Variants in TMEM132B observed in about 807,000 individuals in gnomAD.
TMEM132B encodes transmembrane protein 132B.
A neutral mutation model predicts 90.8 loss-of-function variants in TMEM132B; 18 were observed. The ratio of observed to expected loss-of-function variants is 0.20; its 90% confidence interval spans 0.14 to 0.29. TMEM132B has a LOEUF of 0.29. Among genes scored for constraint, TMEM132B ranks in the 10% least tolerant of loss-of-function variants. The pLI is 1.00. For synonymous variants in TMEM132B, 504 were observed against 523.3 expected (o/e 0.96, Z 0.50); for missense variants, 1,096 against 1,326.8 (o/e 0.83, Z 2.70).
intron 1 of TMEM132B, among the ~76,000 whole-genome samples, chr12:125,225,778 A>G (rs1873666734): frequency 6.6e-6 from 1 of 152,140 alleles, no homozygotes; most frequent in African/African-American, 2.4e-5. Flanking sequence ...ATTCCCATAT[A>G]TGCGCCAGGT....
chr12:125,546,986 A>T (rs925191113), intron 4 of TMEM132B, among the ~76,000 whole-genome samples: 1 of 152,222 alleles, frequency 6.6e-6, no homozygotes, highest in Non-Finnish European at 1.5e-5. Flanking sequence ...ATGAGTGCCC[A>T]ATAAAGGGGG....
At chr12:125,336,297 T>C (rs1352948227) in intron 1 of TMEM132B, among the ~76,000 whole-genome samples, 2 of 152,202 alleles carry the variant, frequency 1.3e-5, no homozygotes, top group Non-Finnish European at 2.9e-5. Flanking sequence ...ATTTGGGACT[T>C]ATCCATGATG....
In TMEM132B at chr12:125,297,218, G is replaced by C. The variant is rs911665798; in HGVS notation, c.68-52234G>C. Among the ~76,000 whole-genome samples, 11 of 152,324 alleles carry C rather than the reference G, an allele frequency of 7.2e-5. No homozygotes were observed. In the Middle Eastern group the frequency reaches 0.014, roughly 188 times the overall value. ...CAACAGGGTGGATGGGAGGAGGAGG[G>C]AGCCTTTTTCCCCTTGGAAGGGGAT... is the stretch of plus-strand genomic sequence containing the variant. On this transcript the variant is annotated intron_variant, in intron 1 of 8. Transcript: ENST00000682704.
chr12:125,320,592 C>T (rs754529279), intron 1 of TMEM132B, among the ~76,000 whole-genome samples: 1 of 152,144 alleles, frequency 6.6e-6, no homozygotes, highest in Non-Finnish European at 1.5e-5. Context: ...CTATGAAGAA[C>T]TCAGGCCTGT....
intron 4 of TMEM132B, among the ~76,000 whole-genome samples, chr12:125,542,256 T>C (rs887311923): frequency 6.6e-6 from 1 of 152,188 alleles, no homozygotes; most frequent in African/African-American, 2.4e-5. Flanking sequence ...TTCAAGAGTC[T>C]GCTAGGGTAG....
intron 4 of TMEM132B, among the ~76,000 whole-genome samples, chr12:125,582,484 A>C (rs2136865894): frequency 6.6e-6 from 1 of 152,228 alleles, no homozygotes; most frequent in Non-Finnish European, 1.5e-5. Context: ...CACTGAAATA[A>C]TTATCTAGTT....
chr12:125,449,399 C>A (rs1881091156), intron 3 of TMEM132B, among the ~76,000 whole-genome samples: 1 of 152,112 alleles, frequency 6.6e-6, no homozygotes, highest in East Asian at 1.9e-4. Flanking sequence ...TCTCTTATTG[C>A]CCTTTTAATG....
Position 125,653,979 on chromosome 12 carries a change from A to G in TMEM132B, c.2521A>G (p.Thr841Ala). ...RAVQEWFHRG[T>A]PVGQEESTNK... ...AGTCCAGGAATGGTTCCACCGTGGC[A>G]CACCTGTTGGCCAAGAGGAAAGTAC... The change falls in exon 9 of 9, where the codon ACA becomes GCA. Residue 841 changes from threonine (T) to alanine (A), a missense_variant. Transcript: ENST00000682704. The G allele has an allele frequency of 1.2e-6, 2 of 1,614,188 alleles. No individual in the cohort carries two copies. Among genetic ancestry groups the G allele is most frequent in the South Asian group, 1.1e-5 (1 of 91,088 alleles).
chr12:125,270,073 A>G (rs963327034), intron 1 of TMEM132B, among the ~76,000 whole-genome samples: 1 of 150,810 alleles, frequency 6.6e-6, no homozygotes, highest in African/African-American at 2.4e-5. Flanking sequence ...TTTGCAGCTA[A>G]GCATGGCCAG....
chr12:125,192,921 G>C (rs553403801), intron 1 of TMEM132B, among the ~76,000 whole-genome samples: 23 of 152,250 alleles, frequency 1.5e-4, no homozygotes, highest in African/African-American at 5.5e-4. Context: ...AATGGGCGCC[G>C]AAATTCTCCC....
chr12:125,559,838 T>A (rs1884476402), intron 4 of TMEM132B, among the ~76,000 whole-genome samples: 1 of 152,126 alleles, frequency 6.6e-6, no homozygotes, highest in Non-Finnish European at 1.5e-5. Flanking sequence ...GACAGCTCCA[T>A]GTTAAATGAG....
chr12:125,352,616 C>A (rs139706662), intron 2 of TMEM132B, among the ~76,000 whole-genome samples: 4 of 152,218 alleles, frequency 2.6e-5, no homozygotes, highest in African/African-American at 9.7e-5. Flanking sequence ...CAATGCCTGG[C>A]AAATTGTGAG....
At chr12:125,325,016 C>T (rs773885129) in intron 1 of TMEM132B, among the ~76,000 whole-genome samples, 1 of 152,106 alleles carries the variant, frequency 6.6e-6, no homozygotes, top group African/African-American at 2.4e-5. Flanking sequence ...GCCTGCAACG[C>T]AAAACAGAGA....
intron 1 of TMEM132B, among the ~76,000 whole-genome samples, chr12:125,223,546 G>A (rs1873606042): frequency 6.6e-6 from 1 of 152,146 alleles, no homozygotes; most frequent in South Asian, 2.1e-4. Context: ...ACATTTGAAA[G>A]TATATAATTC....
chr12:125,651,323 C>T (rs188803005), intron 7 of TMEM132B, among the ~76,000 whole-genome samples: 1 of 152,256 alleles, frequency 6.6e-6, no homozygotes, highest in Admixed American at 6.5e-5. Flanking sequence ...AGTGTTTTTC[C>T]TCCTAACCTT....
intron 3 of TMEM132B, among the ~76,000 whole-genome samples, chr12:125,432,781 G>A (rs972306123): frequency 6.6e-6 from 1 of 152,150 alleles, no homozygotes; most frequent in South Asian, 2.1e-4. Context: ...GCCGGCCTTG[G>A]TGGAATCGGC....
rs748890198 is a variant in TMEM132B at position 125,519,580 on chromosome 12, C to T, written c.1248C>T (p.Ile416=). 12 of 1,613,990 alleles carry T rather than the reference C, an allele frequency of 7.4e-6. No individual in the cohort carries two copies. The highest frequency in any genetic ancestry group is 1.0e-5 in the Non-Finnish European group (12 of 1,180,016). ...DSMSELVVSE[I]FVSQTTFVGI... is the part of the protein sequence containing the mutation. ...TGAGTGAGCTGGTCGTCTCCGAGAT[C>T]TTCGTCAGCCAGACAACCTTCGTGG... is the stretch of plus-strand genomic sequence containing the variant. The change falls in exon 4 of 9, where the codon ATC becomes ATT. Residue 416 remains isoleucine (I), a synonymous_variant. Transcript: ENST00000682704.
At chr12:125,390,019 A>G (rs1414886293) in intron 2 of TMEM132B, among the ~76,000 whole-genome samples, 1 of 152,216 alleles carries the variant, frequency 6.6e-6, no homozygotes, top group African/African-American at 2.4e-5. Context: ...CCAGCACCTC[A>G]TAAGCTCCAT....
At chr12:125,279,019 C>T (rs553125754) in intron 1 of TMEM132B, among the ~76,000 whole-genome samples, 17 of 152,324 alleles carry the variant, frequency 1.1e-4, no homozygotes, top group Non-Finnish European at 2.1e-4. Flanking sequence ...TCTGTGTCTA[C>T]CTTGCCCAAC....
Sources: allele counts gnomAD v4.1 joint callset (sites outside exome capture counted in the v4.1 genomes callset), GRCh38; gene constraint gnomAD v4.1.1; transcripts MANE v1.5; gene names NCBI Gene and HGNC (gene_info 2026-07-23, HGNC 2026-07-21).